NDUFA5: variants seen among roughly 807,000 people sequenced by gnomAD.
The protein encoded by NDUFA5 is NADH:ubiquinone oxidoreductase subunit A5, also known as NADH dehydrogenase [ubiquinone] 1 alpha subcomplex subunit 5.
NDUFA5 carries 11 observed loss-of-function variants against 19.8 expected under a neutral mutation model. That is an observed-to-expected ratio of 0.56 (90% CI 0.35 to 0.92). NDUFA5 has a LOEUF of 0.92. NDUFA5 is among the 40% of genes least tolerant of loss of function. NDUFA5 has a pLI of 0.01. For missense variants in NDUFA5, 109 were observed against 134.2 expected, an observed-to-expected ratio of 0.81 and a Z score of 0.93; for synonymous variants, 47 against 46.8, an observed-to-expected ratio of 1.00 and a Z score of -0.01.
upstream of NDUFA5, chr7:123,557,978 A>G: frequency 1.1e-6 from 1 of 936,284 alleles, no homozygotes; most frequent in East Asian, 2.6e-5. Flanking sequence ...CGCATGCGCG[A>G]TGGGCATACA....
chr7:123,545,571 C>G, intron 4 of NDUFA5, 40 bp downstream of exon 4: 1 of 1,509,414 alleles, frequency 6.6e-7, no homozygotes, highest in Non-Finnish European at 9.2e-7. Context: ...TTGTGTGTCT[C>G]TATGAAACCA....
intron 2 of NDUFA5, among the ~76,000 whole-genome samples, chr7:123,553,829 C>T (rs965727674): frequency 1.3e-5 from 2 of 152,260 alleles, no homozygotes; most frequent in Non-Finnish European, 2.9e-5. Context: ...CATTAAGTTT[C>T]ACTAAGTATT....
intron 3 of NDUFA5, among the ~76,000 whole-genome samples, chr7:123,547,266 C>G (rs776718067): frequency 1.2e-4 from 18 of 152,168 alleles, no homozygotes; most frequent in Admixed American, 5.2e-4. Flanking sequence ...AATATTACAG[C>G]AGCCATACGA....
intron 2 of NDUFA5, among the ~76,000 whole-genome samples, chr7:123,553,776 C>T (rs1798440693): frequency 6.6e-6 from 1 of 152,120 alleles, no homozygotes; most frequent in Non-Finnish European, 1.5e-5. Flanking sequence ...GGGAATAATA[C>T]TGCCTCATAG....
intron 3 of NDUFA5, among the ~76,000 whole-genome samples, chr7:123,548,763 C>A (rs1798226350): frequency 6.6e-6 from 1 of 152,110 alleles, no homozygotes; most frequent in South Asian, 2.1e-4. Flanking sequence ...ATAAAGGTAG[C>A]TAAGCAAGCT....
intron 2 of NDUFA5, among the ~76,000 whole-genome samples, chr7:123,551,211 C>CT (rs113161747): frequency 0.13 from 16,018 of 128,070 alleles, 1,171 homozygotes; most frequent in African/African-American, 0.2. Context: ...TTCTTTCTTT[C>CT]TTTTTTTTTT....
chr7:123,588,400 C>T, the NDUFA5 span, among the ~76,000 whole-genome samples: 1 of 151,388 alleles, frequency 6.6e-6, no homozygotes. Context: ...TGAATCTTCT[C>T]TCTTTTTTTC....
intron 2 of NDUFA5, among the ~76,000 whole-genome samples, chr7:123,553,901 AT>A (rs1289076300): frequency 6.6e-6 from 1 of 152,244 alleles, no homozygotes; most frequent in Non-Finnish European, 1.5e-5. Context: ...AAGCATTCAT[AT>A]TTCAAAAAGG....
At position 123,557,387 on chromosome 7, in the gene NDUFA5, A is replaced by T. The variant is rs1375437612; in HGVS notation, c.66+17T>A. 1 of 1,613,822 alleles carries T rather than the reference A, an allele frequency of 6.2e-7. No individual in the cohort carries two copies. The highest frequency in any genetic ancestry group is 8.5e-7 in the Non-Finnish European group (1 of 1,179,878). ...TCCTTGGGAATTCAAGAACGAAGAAAGAACAAAGGTACATACCTCGTGAGG... is the reference window on the plus strand; with the variant it reads ...TCCTTGGGAATTCAAGAACGAAGAATGAACAAAGGTACATACCTCGTGAGG... On this transcript the variant is annotated intron_variant, in intron 2 of 4. Transcript: ENST00000355749.
At chr7:123,557,858 G>A, upstream of NDUFA5, 1 of 1,613,340 alleles carries the variant, frequency 6.2e-7, no homozygotes, top group Non-Finnish European at 8.5e-7. Flanking sequence ...CTGCTCAATC[G>A]ACCACCGAGG....
chr7:123,545,600 T>G lies in NDUFA5; in HGVS notation c.249+11A>C. ...GAAACCAAACACCTAAATAGTCAAC[T>G]TTTTCTTTACCTGAAGAATCACCTC... On this transcript the variant is annotated intron_variant, in intron 4 of 4. Transcript: ENST00000355749. 6.2e-7 allele frequency: 1 copy of G among 1,608,712 alleles called. No homozygotes were observed. Among genetic ancestry groups the G allele is most frequent in the Non-Finnish European group, 8.5e-7 (1 of 1,176,612 alleles).
At chr7:123,549,839 GA>G (rs1357143071) in intron 3 of NDUFA5, among the ~76,000 whole-genome samples, 1 of 152,148 alleles carries the variant, frequency 6.6e-6, no homozygotes, top group East Asian at 1.9e-4. Context: ...CCTAACGAAA[GA>G]TAGGAATTCT....
the NDUFA5 span, among the ~76,000 whole-genome samples, chr7:123,586,246 T>G: frequency 6.6e-6 from 1 of 151,836 alleles, no homozygotes; most frequent in Non-Finnish European, 1.5e-5. Flanking sequence ...ACTTGCTATC[T>G]TTTGACTTTT....
At chr7:123,550,057 A>G (rs971461632) in intron 3 of NDUFA5, 7 of 170,028 alleles carry the variant, frequency 4.1e-5, no homozygotes, top group Admixed American at 1.3e-4. Flanking sequence ...ATTAACTGCT[A>G]CTTAATAACA....
At chr7:123,595,658 G>A in the NDUFA5 span, among the ~76,000 whole-genome samples, 1 of 152,134 alleles carries the variant, frequency 6.6e-6, no homozygotes, top group Non-Finnish European at 1.5e-5. Context: ...CATAATACCT[G>A]GCATTGCAGA....
intron 4 of NDUFA5, among the ~76,000 whole-genome samples, chr7:123,542,852 T>C (rs1198226061): frequency 2.0e-5 from 3 of 152,184 alleles, no homozygotes; most frequent in Non-Finnish European, 4.4e-5. Context: ...AATTTTTCCT[T>C]TCAAACACAA....
the NDUFA5 span, among the ~76,000 whole-genome samples, chr7:123,580,112 TTGGGTC>T: frequency 2.6e-5 from 4 of 151,820 alleles, no homozygotes; most frequent in Non-Finnish European, 4.4e-5. Context: ...ATGGTCTAAA[TTGGGTC>T]TTAAATTAGC....
the NDUFA5 span, among the ~76,000 whole-genome samples, chr7:123,584,401 C>T: frequency 1.3e-5 from 2 of 151,600 alleles, no homozygotes; most frequent in East Asian, 3.9e-4. Flanking sequence ...GGCGGCTAGG[C>T]ATCAGTGTTT....
chr7:123,548,409 T>C (rs1024769841), intron 3 of NDUFA5, among the ~76,000 whole-genome samples: 8 of 151,978 alleles, frequency 5.3e-5, no homozygotes, highest in Non-Finnish European at 1.0e-4. Flanking sequence ...AGCATGAAGG[T>C]ACAATGGAAA....
Sources: allele counts gnomAD v4.1 joint callset (sites outside exome capture counted in the v4.1 genomes callset), GRCh38; gene constraint gnomAD v4.1.1; transcripts MANE v1.5; gene names NCBI Gene and HGNC (gene_info 2026-07-23, HGNC 2026-07-21).